The following ADAM10 variants were observed in gnomAD, a reference collection of about 807,000 sequenced individuals.
The protein encoded by ADAM10 is ADAM metallopeptidase domain 10.
ADAM10 carries 17 observed loss-of-function variants against 90.1 expected under a neutral mutation model. The ratio of observed to expected loss-of-function variants is 0.19; its 90% CI spans 0.13 to 0.28. The LOEUF (loss-of-function observed/expected upper bound fraction) is 0.28, where lower values mean the gene tolerates loss of function less well. Among genes scored for constraint, ADAM10 ranks in the 10% least tolerant of loss-of-function variants. The pLI is 1.00. For missense variants in ADAM10, 610 were observed against 914.3 expected (o/e 0.67, Z 4.29); for synonymous variants, 310 against 298.6 (o/e 1.04, Z -0.40).
chr15:58,676,568 T>C (rs1175578486), intron 4 of ADAM10, among the ~76,000 whole-genome samples: 2 of 152,098 alleles, frequency 1.3e-5, no homozygotes, highest in African/African-American at 2.4e-5. Flanking sequence ...CATTTTTAAA[T>C]GGTTAAAGAA....
intron 1 of ADAM10, among the ~76,000 whole-genome samples, chr15:58,729,479 A>G (rs1899151816): frequency 6.6e-6 from 1 of 152,168 alleles, no homozygotes; most frequent in South Asian, 2.1e-4. Context: ...GACCCCACAA[A>G]TGACTCAGGC....
intron 14 of ADAM10, among the ~76,000 whole-genome samples, chr15:58,606,694 C>G (rs1206874130): frequency 6.6e-6 from 1 of 152,138 alleles, no homozygotes; most frequent in Non-Finnish European, 1.5e-5. Flanking sequence ...ATCACAGAGA[C>G]TGAAAAAAAT....
intron 11 of ADAM10, among the ~76,000 whole-genome samples, chr15:58,616,938 C>T (rs1348725408): frequency 2.0e-5 from 3 of 151,996 alleles, no homozygotes; most frequent in African/African-American, 7.2e-5. Context: ...GAAACCCCGT[C>T]TCTACTAAAA....
At chr15:58,615,276 GAAAAA>G (rs35628107) in intron 11 of ADAM10, among the ~76,000 whole-genome samples, 1 of 84,786 alleles carries the variant, frequency 1.2e-5, no homozygotes, top group Non-Finnish European at 2.4e-5. Flanking sequence ...TCCGTCTGAA[GAAAAA>G]AAAAAAAAAA....
At chr15:58,725,368 CAAAAA>C (rs566581100) in intron 1 of ADAM10, among the ~76,000 whole-genome samples, 1 of 110,814 alleles carries the variant, frequency 9.0e-6, no homozygotes, top group Middle Eastern at 4.9e-3. Flanking sequence ...TTGTCTCTAC[CAAAAA>C]AAAAAAAAAA....
Position 58,627,771 on chromosome 15 carries a change from T to C in ADAM10, c.1289A>G (p.Asn430Ser), listed in dbSNP as rs1895989319. 1 of 1,613,524 alleles carries C rather than the reference T, an allele frequency of 6.2e-7. No individual in the cohort carries two copies. The highest frequency in any genetic ancestry group is 8.5e-7 in the Non-Finnish European group (1 of 1,179,696). Residue 430 changes from asparagine (N) to serine (S), a missense_variant, in exon 10 of 16, where the codon AAT becomes AGT. This residue lies in a region of ADAM10 where 97 missense variants were observed against 221.4 expected (regional missense o/e 0.44). Coordinates refer to ENST00000260408, the MANE Select transcript of ADAM10 (RefSeq NM_001110.4). ...TCTAATACTACAGAGTGAGAATTTA[T>C]TGTTGTTAAGTTTGTCCCCAGATGT... ...RATSGDKLNNNKFSLCSIRNI... is the reference protein window; with the variant it reads ...RATSGDKLNNSKFSLCSIRNI...
Position 58,734,754 on chromosome 15 carries a change from T to C in ADAM10, c.55+14726A>G, listed in dbSNP as rs750530180. 5.4e-5 allele frequency among the ~76,000 whole-genome samples: 8 copies of C among 149,450 alleles called. No homozygotes were observed. In the South Asian group the frequency reaches 8.4e-4, roughly 16 times the overall value. On this transcript the variant is annotated intron_variant, in intron 1 of 15. Transcript: ENST00000260408. ...AAAAAAATTATCAAAATACAGCACATGGCAAAAACCTTTCAAAAACTAAAC... is the reference window on the plus strand; with the variant it reads ...AAAAAAATTATCAAAATACAGCACACGGCAAAAACCTTTCAAAAACTAAAC...
At chr15:58,679,100 A>C (rs201623045) in intron 4 of ADAM10, 24 bp downstream of exon 4, 1 of 1,605,746 alleles carries the variant, frequency 6.2e-7, no homozygotes, top group South Asian at 1.1e-5. Flanking sequence ...GAAAAAGGCT[A>C]CTTGATAAAA....
At chr15:58,702,246 T>C (rs1898156748) in intron 2 of ADAM10, among the ~76,000 whole-genome samples, 1 of 152,092 alleles carries the variant, frequency 6.6e-6, no homozygotes, top group Admixed American at 6.5e-5. Flanking sequence ...ATTAGAAAGT[T>C]GATCTCATGA....
intron 4 of ADAM10, among the ~76,000 whole-genome samples, chr15:58,670,894 T>C (rs1285403380): frequency 2.6e-5 from 4 of 152,182 alleles, no homozygotes; most frequent in Non-Finnish European, 5.9e-5. Flanking sequence ...CATTAACTTT[T>C]AGAAGAGATA....
chr15:58,745,983 T>C (rs1186759965), intron 1 of ADAM10, among the ~76,000 whole-genome samples: 1 of 152,160 alleles, frequency 6.6e-6, no homozygotes, highest in African/African-American at 2.4e-5. Context: ...TTAAAGACAC[T>C]GTGAATAAAA....
In ADAM10 at chr15:58,749,614, G is replaced by A. The variant is rs201149517; in HGVS notation, c.-80C>T. The A allele has an allele frequency of 5.7e-5, 88 of 1,544,680 alleles. No homozygotes were observed. The East Asian group carries it at 1.8e-3, about 32-fold the overall frequency. The stretch of plus-strand genomic sequence containing the variant: ...CGATCCGGAGGGAGAAGCTGAAGGG[G>A]CTTGGTCCGGAGCCTCCACGGGAAG... On this transcript the variant is annotated 5_prime_UTR_variant, in exon 1 of 16. Transcript: ENST00000260408.
At chr15:58,683,859 CAAAAAAAAAAA>C (rs71425819) in intron 2 of ADAM10, among the ~76,000 whole-genome samples, 44 of 67,244 alleles carry the variant, frequency 6.5e-4, no homozygotes, top group South Asian at 2.8e-3. Context: ...GGCTCCATCT[CAAAAAAAAAAA>C]AAAAAAAAAA....
At chr15:58,711,783 T>C (rs1407372998) in intron 2 of ADAM10, among the ~76,000 whole-genome samples, 1 of 152,234 alleles carries the variant, frequency 6.6e-6, no homozygotes, top group African/African-American at 2.4e-5. Flanking sequence ...ATAGTGTATA[T>C]ATACTTCCTA....
At chr15:58,607,541 A>G (rs551617790) in intron 14 of ADAM10, among the ~76,000 whole-genome samples, 1 of 152,212 alleles carries the variant, frequency 6.6e-6, no homozygotes, top group Non-Finnish European at 1.5e-5. Flanking sequence ...GTGTTCTGTT[A>G]AGCATTTGGG....
chr15:58,652,658 G>A (rs181538863), intron 5 of ADAM10, among the ~76,000 whole-genome samples: 5 of 152,240 alleles, frequency 3.3e-5, no homozygotes, highest in Non-Finnish European at 4.4e-5. Context: ...ATAATCTGAA[G>A]TCAGGTAATA....
chr15:58,630,512 T>G (rs1424252953), intron 9 of ADAM10, among the ~76,000 whole-genome samples: 2 of 152,184 alleles, frequency 1.3e-5, no homozygotes, highest in Non-Finnish European at 2.9e-5. Context: ...GTGGCATTAT[T>G]AGAACTGTAT....
intron 1 of ADAM10, among the ~76,000 whole-genome samples, chr15:58,736,310 C>T (rs1246113744): frequency 6.6e-6 from 1 of 152,172 alleles, no homozygotes; most frequent in African/African-American, 2.4e-5. Flanking sequence ...GAAAAGCGCA[C>T]CAACAGCATT....
intron 5 of ADAM10, among the ~76,000 whole-genome samples, chr15:58,655,678 A>ATTATATATAG (rs1566982203): frequency 1.9e-5 from 2 of 103,900 alleles, no homozygotes; most frequent in South Asian, 3.2e-4. Context: ...ACATACATAC[A>ATTATATATAG]TATATATATT....
Sources: allele counts gnomAD v4.1 joint callset (sites outside exome capture counted in the v4.1 genomes callset), GRCh38; gene constraint gnomAD v4.1.1; regional missense constraint gnomAD v4.1.1; transcripts MANE v1.5; gene names NCBI Gene and HGNC (gene_info 2026-07-23, HGNC 2026-07-21).